Variants in CHRNA4 observed in about 807,000 individuals in gnomAD.
The protein encoded by CHRNA4 is neuronal acetylcholine receptor subunit alpha-4.
A neutral mutation model predicts 48.9 loss-of-function variants in CHRNA4; 28 were observed. The observed-to-expected ratio is 0.57, with a 90% CI of 0.42 to 0.79. CHRNA4 has a LOEUF of 0.79. CHRNA4 is among the 30% of genes least tolerant of loss of function. The probability of loss-of-function intolerance (pLI) is 0.00; values close to 1 mark genes in which losing one functional copy is unlikely to be tolerated. For missense variants in CHRNA4, 859 were observed against 898.4 expected (o/e 0.96, Z 0.56); for synonymous variants, 425 against 402.3 (o/e 1.06, Z -0.68).
In CHRNA4 at chr20:63,344,817, C is replaced by G. The variant is rs2123460118; in HGVS notation, c.*1921G>C. 4.4e-6 allele frequency: 2 copies of G among 451,546 alleles called. No individual in the cohort carries two copies. Among genetic ancestry groups the G allele is most frequent in the South Asian group, 3.1e-5 (2 of 64,236 alleles). The allele number at this position is 451,546 out of a possible 1,614,324, so 28.0% of individuals were successfully genotyped here. ...AGGGTCTCCCTGCGTCCTGGGAGCT[C>G]TGGCCGAGGAGCAGCAGGGGCTGAT... On this transcript the variant is annotated 3_prime_UTR_variant, in exon 6 of 6. Transcript: ENST00000370263. The surrounding 1 kb of genome is among the most constrained non-coding windows in gnomAD (Gnocchi z 4.5).
chr20:63,355,737 G>GGGAT, intron 4 of CHRNA4: 1 of 796,390 alleles, frequency 1.3e-6, no homozygotes, highest in Non-Finnish European at 2.0e-6. Context: ...CTGAGACCCA[G>GGGAT]GGATGCCCTC....
At chr20:63,356,510 G>T in intron 2 of CHRNA4, 95 bp from the exon 3 acceptor site, 1 of 1,315,516 alleles carries the variant, frequency 7.6e-7, no homozygotes, top group Non-Finnish European at 1.1e-6. Context: ...CAAGGACACG[G>T]CCAGGGCAAG....
Position 63,345,359 on chromosome 20 carries a change from C to T in CHRNA4, c.*1379G>A. The T allele has an allele frequency of 2.2e-6, 1 of 445,326 alleles. No homozygotes were observed. Among genetic ancestry groups the T allele is most frequent in the Non-Finnish European group, 4.5e-6 (1 of 221,186 alleles). 27.6% of individuals were successfully genotyped at this position (445,326 alleles called of 1,614,324 possible). The stretch of plus-strand genomic sequence containing the variant: ...ACCGATGTCACTCACAGGCAGGGGA[C>T]ACGCCATCCTGGCCCCGCCCCTCTG... On this transcript the variant is annotated 3_prime_UTR_variant, in exon 6 of 6. Coordinates refer to ENST00000370263, the MANE Select transcript of CHRNA4 (RefSeq NM_000744.7). The surrounding 1 kb of genome is among the most constrained non-coding windows in gnomAD (Gnocchi z 5.4).
chr20:63,356,113 C>T (rs1219401511), intron 3 of CHRNA4, 29 bp from the exon 4 acceptor site: 3 of 602,648 alleles, frequency 5.0e-6, no homozygotes, highest in Non-Finnish European at 6.7e-6. Flanking sequence ...GGGGAGGCTG[C>T]AGGGTGAGGG....
At chr20:63,354,548 G>C (rs1217449524) in intron 4 of CHRNA4, 1 of 900,350 alleles carries the variant, frequency 1.1e-6, no homozygotes, top group Non-Finnish European at 1.3e-6. Flanking sequence ...GGGGGCTGCA[G>C]TCTTTGGAGG....
rs2068720199 is a variant in CHRNA4, at chr20:63,356,434, A to C, written c.229-19T>G. The C allele has an allele frequency of 1.3e-6, 2 of 1,592,848 alleles. No individual in the cohort carries two copies. The highest frequency in any genetic ancestry group is 2.7e-5 in the African/African-American group (2 of 74,236). On this transcript the variant is annotated intron_variant, in intron 2 of 5. Transcript: ENST00000370263. ...TCTCATCCTAGGGCACCGAGAGAGG[A>C]AGGGGGCCAGTGACCCCTTGGTGTC... is the stretch of plus-strand genomic sequence containing the variant.
chr20:63,345,207 G>A lies in CHRNA4; in HGVS notation c.*1531C>T, dbSNP rs201167497. Reference sequence around the variant, plus strand: ...ACCCTGGCCCAGGAGAGCTCGGCTCGGGGACAGAGGAATGAGACTCAGTGG... The same window carrying A: ...ACCCTGGCCCAGGAGAGCTCGGCTCAGGGACAGAGGAATGAGACTCAGTGG... On this transcript the variant is annotated 3_prime_UTR_variant, in exon 6 of 6. Transcript: ENST00000370263. The surrounding 1 kb of genome is among the most constrained non-coding windows in gnomAD (Gnocchi z 5.4). The A allele has an allele frequency of 1.8e-5, 8 of 445,668 alleles. No individual in the cohort carries two copies. The highest frequency in any genetic ancestry group is 4.0e-5 in the African/African-American group (2 of 49,854). The allele number at this position is 445,668 out of a possible 1,614,324, so 27.6% of individuals were successfully genotyped here.
chr20:63,359,395 A>AGT, intron 2 of CHRNA4, 153 bp downstream of exon 2: 3 of 956,194 alleles, frequency 3.1e-6, no homozygotes, highest in Non-Finnish European at 4.8e-6. Flanking sequence ...GGCGGGGCAG[A>AGT]GCTGGTGGCT....
chr20:63,351,701 C>T (rs867149385), intron 4 of CHRNA4, among the ~76,000 whole-genome samples: 17 of 152,256 alleles, frequency 1.1e-4, no homozygotes, highest in African/African-American at 2.7e-4. Context: ...GGGCTGCATA[C>T]GCACTGCCCA....
chr20:63,355,550 G>C, intron 4 of CHRNA4: 1 of 1,293,500 alleles, frequency 7.7e-7, no homozygotes, highest in Non-Finnish European at 1.0e-6. Context: ...GCCAGGATGG[G>C]GTCTGATGGC....
chr20:63,360,888 G>T lies in CHRNA4; in HGVS notation c.76+202C>A, dbSNP rs1450271467. On this transcript the variant is annotated intron_variant, in intron 1 of 5. Coordinates refer to ENST00000370263, the MANE Select transcript of CHRNA4 (RefSeq NM_000744.7). Reference sequence around the variant, plus strand: ...CCTTTCCCAGCCCTCCGCATTCGCCGGCGGTCAACTCCCTCCTCGCCTGGC... The same window carrying T: ...CCTTTCCCAGCCCTCCGCATTCGCCTGCGGTCAACTCCCTCCTCGCCTGGC... 15 of 427,144 alleles carry T rather than the reference G, an allele frequency of 3.5e-5. No individual in the cohort carries two copies. The Admixed American group carries it at 5.3e-4, about 15-fold the overall frequency. The allele number at this position is 427,144 out of a possible 1,614,324, so 26.5% of individuals were successfully genotyped here.
chr20:63,355,823 TCC>T, intron 4 of CHRNA4, 150 bp downstream of exon 4: 1 of 1,130,082 alleles, frequency 8.8e-7, no homozygotes, highest in Non-Finnish European at 1.3e-6. Context: ...GCTTCTTCCT[TCC>T]TGGGCCTGGG....
In CHRNA4 at chr20:63,351,172, CGCCCACAT is replaced by C. The variant is rs2068598815; in HGVS notation, c.384-153_384-146del. 2.1e-5 allele frequency: 11 copies of C among 514,434 alleles called. No homozygotes were observed. The African/African-American group carries it at 3.1e-4, about 14-fold the overall frequency. The allele number at this position is 514,434 out of a possible 1,614,324, so 31.9% of individuals were successfully genotyped here. On this transcript the variant is annotated intron_variant, in intron 4 of 5. Transcript: ENST00000370263. Reference sequence around the variant, plus strand: ...ACGTCCACGCCCACATCCACGTCCACGCCCACATCCATGTCCCACGCCCACATCCACAC... The same window carrying C: ...ACGTCCACGCCCACATCCACGTCCACCCATGTCCCACGCCCACATCCACAC...
chr20:63,350,280 C>G lies in CHRNA4; in HGVS notation c.1131G>C (p.Lys377Asn). 1 of 1,612,508 alleles carries G rather than the reference C, an allele frequency of 6.2e-7. No individual in the cohort carries two copies. The highest frequency in any genetic ancestry group is 8.5e-7 in the Non-Finnish European group (1 of 1,179,856). Residue 377 changes from lysine to asparagine, a missense_variant, in exon 5 of 6, where the codon AAG (lysine) becomes AAC (asparagine). Coordinates refer to ENST00000370263, the MANE Select transcript of CHRNA4 (RefSeq NM_000744.7). ...NCRRLIESMH[K>N]MASAPRFWPE... The stretch of plus-strand genomic sequence containing the variant: ...GCCAGAAGCGCGGGGCACTGGCCAT[C>G]TTATGCATGGACTCGATGAGCCGCC...
chr20:63,357,664 C>T (rs1331821506), intron 2 of CHRNA4, among the ~76,000 whole-genome samples: 1 of 152,094 alleles, frequency 6.6e-6, no homozygotes, highest in African/African-American at 2.4e-5. Context: ...CCTGGTGGGA[C>T]GGGCAGAGTG....
In CHRNA4 at chr20:63,346,781, G is replaced by A. The variant is rs150905690; in HGVS notation, c.1841C>T (p.Thr614Met). Reference protein sequence around the residue: ...WMFIIVCLLGTVGLFLPPWLA... With the variant: ...WMFIIVCLLGMVGLFLPPWLA... ...CCAGGGCGGCAGGAAGAGGCCCACC[G>A]TCCCCAGCAGGCAGACGATGATGAA... is the stretch of plus-strand genomic sequence containing the variant. Residue 614 changes from threonine to methionine, a missense_variant, in exon 6 of 6, where the codon ACG becomes ATG. Physicochemically the swap from Thr to Met is moderately conservative, Grantham distance 81 (BLOSUM62 -1). Transcript: ENST00000370263. 9.3e-6 allele frequency: 15 copies of A among 1,612,260 alleles called. No homozygotes were observed. Among genetic ancestry groups the A allele is most frequent in the East Asian group, 2.2e-5 (1 of 44,868 alleles).
Position 63,346,646 on chromosome 20 carries a change from T to A in CHRNA4, c.*92A>T, listed in dbSNP as rs918317620. ...TTGGCAAACGTGTGGCCCCACAGAG[T>A]CCAGGGAGAAGCCAGCCCGGCCCCA... On this transcript the variant is annotated 3_prime_UTR_variant, in exon 6 of 6. Transcript: ENST00000370263. The A allele has an allele frequency of 7.2e-6, 11 of 1,523,310 alleles. No homozygotes were observed. Among genetic ancestry groups the A allele is most frequent in the Admixed American group, 2.0e-5 (1 of 51,062 alleles). The allele number at this position is 1,523,310 out of a possible 1,614,324, so 94.4% of individuals were successfully genotyped here.
At position 63,346,090 on chromosome 20, in the gene CHRNA4, A is replaced by G. The variant is rs1314341068; in HGVS notation, c.*648T>C. 2.2e-6 allele frequency: 1 copy of G among 454,034 alleles called. No individual in the cohort carries two copies. Among genetic ancestry groups the G allele is most frequent in the Admixed American group, 2.3e-5 (1 of 42,576 alleles). The allele number at this position is 454,034 out of a possible 1,614,324, so 28.1% of individuals were successfully genotyped here. A position where few individuals can be genotyped will look rare whatever the true frequency, so the allele number is the denominator to read the frequency against. ...TCCCCACGCGGAACCAGCTCCACAA[A>G]ACTCTGTTCTCCAAGGCTCCTTAGG... On this transcript the variant is annotated 3_prime_UTR_variant, in exon 6 of 6. Transcript: ENST00000370263.
chr20:63,356,510 G>A, intron 2 of CHRNA4, 95 bp from the exon 3 acceptor site: 2 of 1,315,514 alleles, frequency 1.5e-6, no homozygotes, highest in Non-Finnish European at 2.1e-6. Flanking sequence ...CAAGGACACG[G>A]CCAGGGCAAG....
Sources: gnomAD v4.1 joint callset for allele counts (sites outside exome capture counted in the v4.1 genomes callset) on GRCh38, gnomAD v4.1.1 for gene constraint, Gnocchi (gnomAD v3.1) non-coding constraint, MANE v1.5 for transcripts, NCBI Gene and HGNC (gene_info 2026-07-23, HGNC 2026-07-21) for gene names.